Variants in BRINP2 observed in about 807,000 individuals in gnomAD.
BRINP2 encodes BMP/retinoic acid-inducible neural-specific protein 2.
BRINP2 carries 21 observed loss-of-function variants against 69.2 expected under a neutral mutation model. The ratio of observed to expected loss-of-function variants is 0.30; its 90% CI spans 0.22 to 0.44. The LOEUF is 0.44. Ranked by LOEUF, BRINP2 falls within the 20% of genes least tolerant of loss-of-function variation. The pLI, the probability that BRINP2 is intolerant of heterozygous loss-of-function variation, is 1.00. For missense variants in BRINP2, 877 were observed against 986.0 expected, an observed-to-expected ratio of 0.89 and a Z score of 1.48; for synonymous variants, 380 against 394.1, an observed-to-expected ratio of 0.96 and a Z score of 0.42.
At chr1:177,201,799 G>A (rs972033125) in intron 1 of BRINP2, among the ~76,000 whole-genome samples, 5 of 152,138 alleles carry the variant, frequency 3.3e-5, no homozygotes, top group Non-Finnish European at 7.4e-5. Context: ...TTGTACCTCT[G>A]GTAGAATTCG....
Position 177,256,450 on chromosome 1 carries a change from A to G in BRINP2, c.460+341A>G, listed in dbSNP as rs968096377. The G allele has an allele frequency of 4.1e-6, 4 of 985,288 alleles. No individual in the cohort carries two copies. In the African/African-American group the frequency reaches 7.0e-5, roughly 17 times the overall value. The allele number at this position is 985,288 out of a possible 1,614,324, so 61.0% of individuals were successfully genotyped here. On this transcript the variant is annotated intron_variant, in intron 3 of 7. Coordinates refer to ENST00000361539, the MANE Select transcript of BRINP2 (RefSeq NM_021165.4). ...ACTTTCTAATGTTTGCTGTGGCTAC[A>G]ATGGTCAGACCCACAGGCAAAAAAG...
intron 1 of BRINP2, among the ~76,000 whole-genome samples, chr1:177,222,591 C>A (rs1039514955): frequency 6.6e-6 from 1 of 151,798 alleles, no homozygotes; most frequent in Admixed American, 6.6e-5. Flanking sequence ...GGATTACAGG[C>A]GTGAGCCACT....
intron 1 of BRINP2, among the ~76,000 whole-genome samples, chr1:177,174,176 G>A (rs1247636157): frequency 6.6e-6 from 1 of 152,160 alleles, no homozygotes; most frequent in Non-Finnish European, 1.5e-5. Flanking sequence ...CTTTATGCAG[G>A]GTCACACAGC....
At chr1:177,266,763 AAAAAAAAAAAAAAAAAAGAAAG>A (rs1173529925) in intron 4 of BRINP2, among the ~76,000 whole-genome samples, 1 of 150,606 alleles carries the variant, frequency 6.6e-6, no homozygotes, top group Non-Finnish European at 1.5e-5. Context: ...CACTCTAAAA[AAAAAAAAAAAAAAAAAAGAAAG>A]AAAAAAAAAA....
intron 2 of BRINP2, among the ~76,000 whole-genome samples, chr1:177,240,992 G>A (rs1650184961): frequency 6.7e-6 from 1 of 149,902 alleles, no homozygotes; most frequent in Admixed American, 6.6e-5. Flanking sequence ...TTTTTTTTGA[G>A]ATGGAGTCTC....
In BRINP2 at chr1:177,171,025, T is replaced by A. The variant is rs1050828287; in HGVS notation, c.-784T>A. Among the ~76,000 whole-genome samples the A allele has an allele frequency of 6.6e-6, 1 of 152,242 alleles. No individual in the cohort carries two copies. Among genetic ancestry groups the A allele is most frequent in the South Asian group, 2.1e-4 (1 of 4,834 alleles). ...GAGCGGGGACGCGCCGGGCTGCAGC[T>A]CTGGGATGCAATCCGCCTGCCTCGC... On this transcript the variant is annotated 5_prime_UTR_variant, in exon 1 of 8. Coordinates refer to ENST00000361539, the MANE Select transcript of BRINP2 (RefSeq NM_021165.4).
intron 4 of BRINP2, among the ~76,000 whole-genome samples, chr1:177,272,152 A>C (rs1249428245): frequency 2.6e-5 from 4 of 151,792 alleles, no homozygotes; most frequent in Admixed American, 2.6e-4. Context: ...TCCACTCCCT[A>C]CTTCTCCTTA....
At chr1:177,172,169 G>A (rs1428644924) in intron 1 of BRINP2, among the ~76,000 whole-genome samples, 1 of 152,202 alleles carries the variant, frequency 6.6e-6, no homozygotes, top group African/African-American at 2.4e-5. Context: ...TACAATGCAC[G>A]ATATCTATAT....
intron 2 of BRINP2, among the ~76,000 whole-genome samples, chr1:177,242,876 A>G (rs1439149949): frequency 6.6e-6 from 1 of 152,202 alleles, no homozygotes; most frequent in East Asian, 1.9e-4. Flanking sequence ...AAGGCTCTAG[A>G]ATCAGACTGA....
intron 2 of BRINP2, among the ~76,000 whole-genome samples, chr1:177,244,490 C>T (rs1252377383): frequency 2.0e-5 from 3 of 152,076 alleles, no homozygotes; most frequent in Non-Finnish European, 4.4e-5. Context: ...CTTAGCTGGG[C>T]GTGTTGGCAT....
intron 4 of BRINP2, among the ~76,000 whole-genome samples, chr1:177,265,933 A>G (rs1197992518): frequency 6.6e-6 from 1 of 151,950 alleles, no homozygotes; most frequent in Non-Finnish European, 1.5e-5. Flanking sequence ...ATCCTGGCTA[A>G]TATGGTGAAA....
At chr1:177,274,803 C>T (rs1336659626) in intron 5 of BRINP2, among the ~76,000 whole-genome samples, 3 of 152,078 alleles carry the variant, frequency 2.0e-5, no homozygotes, top group Non-Finnish European at 4.4e-5. Context: ...TGAGGGGAAC[C>T]ACTCAAATGC....
chr1:177,247,468 T>C (rs1650421455), intron 2 of BRINP2, among the ~76,000 whole-genome samples: 1 of 152,262 alleles, frequency 6.6e-6, no homozygotes, highest in Non-Finnish European at 1.5e-5. Flanking sequence ...TGTCCTTGGC[T>C]TGAGGCCAGT....
At chr1:177,256,936 A>C in intron 3 of BRINP2, 2 of 1,370,392 alleles carry the variant, frequency 1.5e-6, no homozygotes. Context: ...TGTTAAACAG[A>C]TAAGCTGAGG....
intron 1 of BRINP2, among the ~76,000 whole-genome samples, chr1:177,187,902 A>G (rs1648475607): frequency 6.6e-6 from 1 of 152,192 alleles, no homozygotes; most frequent in Non-Finnish European, 1.5e-5. Context: ...TAATCCATGG[A>G]TTCTGGAGTG....
At chr1:177,239,119 C>T (rs1020160616) in intron 2 of BRINP2, among the ~76,000 whole-genome samples, 4 of 152,164 alleles carry the variant, frequency 2.6e-5, no homozygotes, top group African/African-American at 7.2e-5. Flanking sequence ...GTCACTGGGG[C>T]TCTTTGTCCT....
chr1:177,248,436 TGTGTGTGTGTGTGTGTGTGCGTGC>T (rs1424474987), intron 2 of BRINP2, among the ~76,000 whole-genome samples: 1 of 144,170 alleles, frequency 6.9e-6, no homozygotes, highest in African/African-American at 2.6e-5. Flanking sequence ...AGGTACAGTT[TGTGTGTGTGTGTGTGTGTGCGTGC>T]GTGTGTGTGT....
intron 1 of BRINP2, among the ~76,000 whole-genome samples, chr1:177,209,702 A>C (rs1649170285): frequency 6.6e-6 from 1 of 152,166 alleles, no homozygotes; most frequent in Non-Finnish European, 1.5e-5. Context: ...TGGTGGCTGA[A>C]GCTCTCCGGT....
At chr1:177,187,954 C>T (rs545257797) in intron 1 of BRINP2, among the ~76,000 whole-genome samples, 9 of 152,176 alleles carry the variant, frequency 5.9e-5, no homozygotes, top group South Asian at 2.1e-4. Flanking sequence ...TGTTCTCTTG[C>T]TGTGTTACCT....
Sources: gnomAD v4.1 joint callset for allele counts (sites outside exome capture counted in the v4.1 genomes callset) on GRCh38, gnomAD v4.1.1 for gene constraint, MANE v1.5 for transcripts, NCBI Gene and HGNC (gene_info 2026-07-23, HGNC 2026-07-21) for gene names.